GRIN2A: variants seen among roughly 807,000 people sequenced by gnomAD.
The protein encoded by GRIN2A is glutamate ionotropic receptor NMDA type subunit 2A, also known as glutamate receptor ionotropic, NMDA 2A.
Under a neutral mutation model 113.4 loss-of-function variants are expected in GRIN2A, and 22 were observed. The observed-to-expected ratio is 0.19, with a 90% CI of 0.14 to 0.28. The LOEUF is 0.28. GRIN2A is among the 10% of genes least tolerant of loss of function. The probability of loss-of-function intolerance (pLI) is 1.00; values close to 1 mark genes in which losing one functional copy is unlikely to be tolerated. For synonymous variants in GRIN2A, 827 were observed against 738.4 expected (o/e 1.12, Z -1.94); for missense variants, 1,502 against 1,887.0 (o/e 0.80, Z 3.78).
chr16:10,015,358 G>A (rs1471821441), intron 2 of GRIN2A, among the ~76,000 whole-genome samples: 1 of 150,778 alleles, frequency 6.6e-6, no homozygotes, highest in Non-Finnish European at 1.5e-5. Context: ...AGAATAGAGA[G>A]GAAGAAAAAG....
At chr16:9,765,581 G>A (rs1171284754) in intron 12 of GRIN2A, among the ~76,000 whole-genome samples, 1 of 152,144 alleles carries the variant, frequency 6.6e-6, no homozygotes, top group Non-Finnish European at 1.5e-5. Flanking sequence ...GTGGATGCTT[G>A]GATAGAAGGA....
intron 2 of GRIN2A, among the ~76,000 whole-genome samples, chr16:10,041,475 G>A (rs2047165766): frequency 6.6e-6 from 1 of 152,150 alleles, no homozygotes; most frequent in African/African-American, 2.4e-5. Flanking sequence ...GAACAAGCTA[G>A]GGAAGTTCCT....
At chr16:9,943,220 G>C (rs2044931529) in intron 2 of GRIN2A, 2 of 152,256 alleles carry the variant, frequency 1.3e-5, no homozygotes, top group South Asian at 4.1e-4. Flanking sequence ...AGAATGTGCA[G>C]CTGGGGGAGA....
intron 2 of GRIN2A, among the ~76,000 whole-genome samples, chr16:9,952,575 T>C (rs1413699039): frequency 2.0e-5 from 3 of 152,214 alleles, no homozygotes; most frequent in South Asian, 2.1e-4. Flanking sequence ...TCTGGTTCCA[T>C]AGTTATCTGT....
At chr16:10,047,402 A>G (rs1357497063) in intron 2 of GRIN2A, among the ~76,000 whole-genome samples, 1 of 152,230 alleles carries the variant, frequency 6.6e-6, no homozygotes, top group African/African-American at 2.4e-5. Context: ...AAAACACCTA[A>G]CAAAGTGCCT....
At chr16:10,106,371 G>A (rs968138670) in intron 2 of GRIN2A, among the ~76,000 whole-genome samples, 2 of 151,364 alleles carry the variant, frequency 1.3e-5, no homozygotes, top group African/African-American at 4.9e-5. Context: ...GACCAACCTG[G>A]GCAATATATT....
intron 3 of GRIN2A, among the ~76,000 whole-genome samples, chr16:9,907,869 T>C (rs778272539): frequency 1.1e-4 from 16 of 152,134 alleles, no homozygotes; most frequent in Non-Finnish European, 2.1e-4. Context: ...ATTCTCTTCT[T>C]TGCTGGAGGG....
intron 2 of GRIN2A, among the ~76,000 whole-genome samples, chr16:9,966,659 G>C (rs922940655): frequency 6.6e-5 from 10 of 152,158 alleles, no homozygotes; most frequent in African/African-American, 2.4e-4. Flanking sequence ...TTGCTGGGTT[G>C]AATATTTCTG....
intron 2 of GRIN2A, among the ~76,000 whole-genome samples, chr16:10,048,492 G>T (rs2047298043): frequency 6.6e-6 from 1 of 152,206 alleles, no homozygotes. Context: ...CTTTGTTAGT[G>T]AAGACATATG....
At chr16:9,787,546 C>T (rs1399781629) in intron 11 of GRIN2A, among the ~76,000 whole-genome samples, 2 of 152,200 alleles carry the variant, frequency 1.3e-5, no homozygotes, top group Non-Finnish European at 2.9e-5. Flanking sequence ...TTCTTGTTCT[C>T]AGGACCTCCT....
At chr16:9,890,352 G>A (rs979622868) in intron 4 of GRIN2A, among the ~76,000 whole-genome samples, 16 of 152,228 alleles carry the variant, frequency 1.1e-4, no homozygotes, top group African/African-American at 3.9e-4. Flanking sequence ...GAGATCATCT[G>A]TAAATTCCCT....
chr16:10,158,130 G>C lies in GRIN2A; in HGVS notation c.414+21868C>G, dbSNP rs141008373. Among the ~76,000 whole-genome samples, 381 of 151,934 alleles carry C rather than the reference G, an allele frequency of 2.5e-3. 3 individuals are homozygous for C. The highest frequency in any genetic ancestry group is 8.7e-3 in the African/African-American group (361 of 41,426). ...GGTGATCCTACTACTTCAGCCTCTCGAGCAGCTGGGACCACAGGCATGTGC... is the reference window on the plus strand; with the variant it reads ...GGTGATCCTACTACTTCAGCCTCTCCAGCAGCTGGGACCACAGGCATGTGC... On this transcript the variant is annotated intron_variant, in intron 2 of 12. Transcript: ENST00000330684.
intron 7 of GRIN2A, among the ~76,000 whole-genome samples, chr16:9,835,765 A>T (rs1355750820): frequency 6.6e-6 from 1 of 152,210 alleles, no homozygotes; most frequent in East Asian, 1.9e-4. Flanking sequence ...GAGTATGACT[A>T]CTTAACACAG....
At chr16:10,093,442 T>C (rs928819962) in intron 2 of GRIN2A, among the ~76,000 whole-genome samples, 2 of 152,168 alleles carry the variant, frequency 1.3e-5, no homozygotes, top group Admixed American at 1.3e-4. Flanking sequence ...TGGGCCTCCA[T>C]AGCTTCTAAA....
rs1596587259 is a variant in GRIN2A at position 10,180,257 on chromosome 16, C to T, written c.155G>A (p.Arg52Gln). ...CGCCTGCTCGGGGCCCCACAGTGTT[C>T]GAAGTTCGCGCTCTGTCACGTCGTG... The part of the protein sequence containing the change: ...HSHDVTEREL[R>Q]TLWGPEQAAG... The change falls in exon 2 of 13, where the codon CGA (arginine) becomes CAA (glutamine). Residue 52 changes from arginine (R) to glutamine (Q), a missense_variant. Coordinates refer to ENST00000330684, the MANE Select transcript of GRIN2A (RefSeq NM_001134407.3). The surrounding 1 kb of genome is among the most constrained non-coding windows in gnomAD (Gnocchi z 7.0). 6.2e-7 allele frequency: 1 copy of T among 1,613,876 alleles called. No individual in the cohort carries two copies. Among genetic ancestry groups the T allele is most frequent in the East Asian group, 2.2e-5 (1 of 44,868 alleles).
chr16:10,039,801 A>AGG (rs761949844), intron 2 of GRIN2A, among the ~76,000 whole-genome samples: 2 of 12,750 alleles, frequency 1.6e-4, no homozygotes, highest in Admixed American at 7.4e-4. Context: ...GGGGAGGGGG[A>AGG]GGGGGGGGAG....
chr16:9,830,024 A>C (rs1476475957), intron 8 of GRIN2A, among the ~76,000 whole-genome samples: 1 of 152,240 alleles, frequency 6.6e-6, no homozygotes, highest in Admixed American at 6.5e-5. Context: ...AAATGTGTGC[A>C]TGGGGACTGC....
At chr16:9,795,838 C>T (rs1350335669) in intron 11 of GRIN2A, among the ~76,000 whole-genome samples, 1 of 152,178 alleles carries the variant, frequency 6.6e-6, no homozygotes, top group Non-Finnish European at 1.5e-5. Flanking sequence ...CACTAAATTA[C>T]TCCTTCCTAA....
intron 11 of GRIN2A, among the ~76,000 whole-genome samples, chr16:9,797,800 C>A (rs1307135049): frequency 6.6e-6 from 1 of 152,166 alleles, no homozygotes; most frequent in African/African-American, 2.4e-5. Context: ...CTGTCCTGGA[C>A]CCTGTAAGGT....
Sources: gnomAD v4.1 joint callset for allele counts (sites outside exome capture counted in the v4.1 genomes callset) on GRCh38, gnomAD v4.1.1 for gene constraint, Gnocchi (gnomAD v3.1) non-coding constraint, MANE v1.5 for transcripts, NCBI Gene and HGNC (gene_info 2026-07-23, HGNC 2026-07-21) for gene names.